The following CDS1 variants were observed in gnomAD, a reference collection of about 807,000 sequenced individuals.
CDS1 encodes the protein CDP-diacylglycerol synthase 1, also known as phosphatidate cytidylyltransferase 1.
CDS1 carries 41 observed loss-of-function variants against 62.1 expected under a neutral mutation model. That is an observed-to-expected ratio of 0.66 (90% confidence interval 0.51 to 0.86). The LOEUF (loss-of-function observed/expected upper bound fraction) is 0.86, where lower values mean the gene tolerates loss of function less well. Ranked by LOEUF, CDS1 falls within the 40% of genes least tolerant of loss-of-function variation. The probability of loss-of-function intolerance (pLI) is 0.00; values close to 1 mark genes in which losing one functional copy is unlikely to be tolerated. For missense variants in CDS1, 470 were observed against 550.1 expected (o/e 0.85, Z 1.46); for synonymous variants, 185 against 192.6 (o/e 0.96, Z 0.32).
At chr4:84,620,023 TAAAAAA>T (rs34828724) in intron 5 of CDS1, among the ~76,000 whole-genome samples, 1 of 121,392 alleles carries the variant, frequency 8.2e-6, no homozygotes, top group Non-Finnish European at 1.7e-5. Context: ...AACTCTTATC[TAAAAAA>T]AAAAAAAAAA....
rs375118665 is a variant in CDS1 at position 84,594,690 on chromosome 4, A to G, written c.118-9553A>G. 7.9e-5 allele frequency among the ~76,000 whole-genome samples: 12 copies of G among 152,286 alleles called. No individual in the cohort carries two copies. In the South Asian group the frequency reaches 2.1e-3, roughly 26 times the overall value. On this transcript the variant is annotated intron_variant, in intron 1 of 12. Transcript: ENST00000295887. ...ATGTTAAAAGGTTAGTACAATGATC[A>G]TCAGCATACCTAGGACTTAACTGTT...
intron 10 of CDS1, among the ~76,000 whole-genome samples, chr4:84,641,882 G>A (rs1161641890): frequency 6.6e-6 from 1 of 152,184 alleles, no homozygotes; most frequent in Non-Finnish European, 1.5e-5. Flanking sequence ...TTGAGGAGTA[G>A]CTTAACAAAT....
Position 84,583,513 on chromosome 4 carries a change from G to T in CDS1, c.112G>T (p.Asp38Tyr). 6.6e-7 allele frequency: 1 copy of T among 1,521,192 alleles called. No homozygotes were observed. The highest frequency in any genetic ancestry group is 1.2e-5 in the South Asian group (1 of 82,082). 94.2% of individuals were successfully genotyped at this position (1,521,192 alleles called of 1,614,324 possible). A position where few individuals can be genotyped will look rare whatever the true frequency, so the allele number is the denominator to read the frequency against. Reference protein sequence around the residue: ...GGDHETESTSDKETDIDDRYG... With the variant: ...GGDHETESTSYKETDIDDRYG... ...CGACCACGAAACCGAGAGCACCAGCGACAAAGTAAGTGGAGCCGAGAGAGG... is the reference window on the plus strand; with the variant it reads ...CGACCACGAAACCGAGAGCACCAGCTACAAAGTAAGTGGAGCCGAGAGAGG... The change falls in exon 1 of 13, where the codon GAC (aspartate) becomes TAC (tyrosine). Residue 38 changes from aspartate to tyrosine, a missense_variant. Asp to Tyr is a radical substitution (Grantham distance 160). Around this residue, in one of 5 missense-constraint regions of CDS1, gnomAD observed 150 missense variants for 142.0 expected, o/e 1.06. Transcript: ENST00000295887.
intron 2 of CDS1, among the ~76,000 whole-genome samples, chr4:84,606,235 T>A (rs1415647902): frequency 6.6e-6 from 1 of 152,104 alleles, no homozygotes; most frequent in African/African-American, 2.4e-5. Context: ...AAAAATCCTG[T>A]AATCCTCCTA....
chr4:84,637,715 C>T (rs926995167), intron 8 of CDS1, among the ~76,000 whole-genome samples: 4 of 152,164 alleles, frequency 2.6e-5, no homozygotes, highest in Non-Finnish European at 5.9e-5. Context: ...ACACAGCCTT[C>T]TAGTGAATTT....
intron 1 of CDS1, among the ~76,000 whole-genome samples, chr4:84,589,818 T>G (rs1296529047): frequency 2.0e-5 from 3 of 152,030 alleles, no homozygotes; most frequent in African/African-American, 7.2e-5. Flanking sequence ...TTTTTTGTTT[T>G]GTTTTGTTTT....
intron 9 of CDS1, among the ~76,000 whole-genome samples, chr4:84,639,976 C>G (rs1369977438): frequency 6.6e-6 from 1 of 151,382 alleles, no homozygotes; most frequent in Non-Finnish European, 1.5e-5. Flanking sequence ...CATTATGAAG[C>G]TAAATAGTGT....
intron 8 of CDS1, among the ~76,000 whole-genome samples, chr4:84,636,002 C>T (rs1005841117): frequency 1.3e-5 from 2 of 151,956 alleles, no homozygotes; most frequent in Admixed American, 6.6e-5. Flanking sequence ...AGCAGTCTGC[C>T]CATTTCAGCC....
chr4:84,624,088 G>A (rs1215962637), intron 5 of CDS1, among the ~76,000 whole-genome samples: 3 of 151,690 alleles, frequency 2.0e-5, no homozygotes, highest in Non-Finnish European at 2.9e-5. Context: ...TGGCTAACAC[G>A]GTGGAACCCC....
chr4:84,593,939 C>G (rs991251121), intron 1 of CDS1, among the ~76,000 whole-genome samples: 3 of 152,124 alleles, frequency 2.0e-5, no homozygotes, highest in African/African-American at 4.8e-5. Context: ...GGTGAGGCAG[C>G]GAGTCTGAAA....
chr4:84,629,899 C>A (rs1001381315), intron 5 of CDS1, among the ~76,000 whole-genome samples: 8 of 152,114 alleles, frequency 5.3e-5, no homozygotes, highest in Admixed American at 1.3e-4. Context: ...AAGAGAAAAT[C>A]ATGTATTTTG....
At chr4:84,636,761 A>G (rs1325598330) in intron 8 of CDS1, among the ~76,000 whole-genome samples, 1 of 151,920 alleles carries the variant, frequency 6.6e-6, no homozygotes, top group African/African-American at 2.4e-5. Context: ...CTGACCTCGA[A>G]TGATCTACCT....
chr4:84,598,539 A>G (rs1397578642), intron 1 of CDS1, among the ~76,000 whole-genome samples: 1 of 151,948 alleles, frequency 6.6e-6, no homozygotes, highest in Non-Finnish European at 1.5e-5. Context: ...GAGTGATTTA[A>G]TATATTATCC....
chr4:84,589,849 T>C (rs531973767), intron 1 of CDS1, among the ~76,000 whole-genome samples: 9 of 152,258 alleles, frequency 5.9e-5, no homozygotes, highest in African/African-American at 9.6e-5. Flanking sequence ...CTCACTCTGT[T>C]GCCCAGGCTG....
intron 2 of CDS1, among the ~76,000 whole-genome samples, chr4:84,605,655 T>C (rs1308978719): frequency 6.6e-6 from 1 of 152,162 alleles, no homozygotes; most frequent in African/African-American, 2.4e-5. Context: ...CCTGAAATTT[T>C]GTGTAGTCGA....
chr4:84,648,511 C>G, intron 12 of CDS1, 46 bp from the exon 13 acceptor site: 1 of 1,587,596 alleles, frequency 6.3e-7, no homozygotes, highest in South Asian at 1.1e-5. Context: ...TTCACTTATC[C>G]CTATTAAAAT....
At position 84,649,202 on chromosome 4, in the gene CDS1, A is replaced by AG; in HGVS notation, c.*517dup. 1 of 152,030 alleles carries AG rather than the reference A, an allele frequency of 6.6e-6. No homozygotes were observed. Among genetic ancestry groups the AG allele is most frequent in the Middle Eastern group, 3.4e-3 (1 of 294 alleles). The allele number at this position is 152,030 out of a possible 1,614,324, so 9.4% of individuals were successfully genotyped here. A position where few individuals can be genotyped will look rare whatever the true frequency, so the allele number is the denominator to read the frequency against. On this transcript the variant is annotated 3_prime_UTR_variant, in exon 13 of 13. Coordinates refer to ENST00000295887, the MANE Select transcript of CDS1 (RefSeq NM_001263.4). ...AGTTGGATTTAAAAAAAAAAAAAAA[A>AG]GATTGTCTACTTTTCAAAGAAGTAA...
At chr4:84,623,670 C>T (rs1213352440) in intron 5 of CDS1, among the ~76,000 whole-genome samples, 1 of 152,134 alleles carries the variant, frequency 6.6e-6, no homozygotes, top group Non-Finnish European at 1.5e-5. Context: ...AAACAAAAAG[C>T]CTTAACTAGT....
intron 5 of CDS1, 23 bp from the exon 6 acceptor site, chr4:84,631,796 A>G (rs1324474430): frequency 6.2e-7 from 1 of 1,601,262 alleles, no homozygotes; most frequent in Non-Finnish European, 8.6e-7. Context: ...TACAACGAGC[A>G]CATGTTTTTT....
Sources: allele counts gnomAD v4.1 joint callset (sites outside exome capture counted in the v4.1 genomes callset), GRCh38; gene constraint gnomAD v4.1.1; regional missense constraint gnomAD v4.1.1; transcripts MANE v1.5; gene names NCBI Gene and HGNC (gene_info 2026-07-23, HGNC 2026-07-21).